Variants in SSPN observed in about 807,000 individuals in gnomAD.
The protein encoded by SSPN is K-ras oncogene-associated protein.
Under a neutral mutation model 19.1 loss-of-function variants are expected in SSPN, and 15 were observed. The ratio of observed to expected loss-of-function variants is 0.78; its 90% CI spans 0.52 to 1.21. SSPN has a LOEUF of 1.21. Ranked by LOEUF, SSPN falls within the 50% of genes most tolerant of loss-of-function variation. The pLI is 0.00. For synonymous variants in SSPN, 147 were observed against 140.3 expected (o/e 1.05, Z -0.34); for missense variants, 291 against 314.0 (o/e 0.93, Z 0.55).
rs1283177884 is a variant in SSPN, at chr12:26,124,785, A to G, written c.-31+2633A>G. ...TGAGGAATTCCTTCGTCCATGTTCAACTGCTGTTCGTTTCCTCTGTTTCGA... is the reference window on the plus strand; with the variant it reads ...TGAGGAATTCCTTCGTCCATGTTCAGCTGCTGTTCGTTTCCTCTGTTTCGA... On this transcript the variant is annotated intron_variant, in intron 1 of 2. Transcript: ENST00000538142. 2.5e-6 allele frequency: 4 copies of G among 1,614,154 alleles called. No homozygotes were observed. The Admixed American group carries it at 6.7e-5, about 27-fold the overall frequency.
intron 1 of SSPN, among the ~76,000 whole-genome samples, chr12:26,166,188 T>C (rs1356312457): frequency 6.6e-6 from 1 of 152,038 alleles, no homozygotes; most frequent in East Asian, 1.9e-4. Flanking sequence ...GGTTGATGAG[T>C]GTAGCAAACC....
At chr12:26,202,401 A>T (rs1174980296) in intron 1 of SSPN, among the ~76,000 whole-genome samples, 2 of 152,234 alleles carry the variant, frequency 1.3e-5, no homozygotes, top group African/African-American at 4.8e-5. Context: ...AAGAATTCAG[A>T]ACATATTAAC....
chr12:26,175,140 G>T (rs1944676479), intron 1 of SSPN, among the ~76,000 whole-genome samples: 1 of 152,188 alleles, frequency 6.6e-6, no homozygotes, highest in Non-Finnish European at 1.5e-5. Context: ...TCCGAAGTGG[G>T]TGTAGCATTT....
intron 1 of SSPN, among the ~76,000 whole-genome samples, chr12:26,151,791 A>T (rs761684466): frequency 3.3e-5 from 5 of 152,200 alleles, no homozygotes; most frequent in South Asian, 2.1e-4. Flanking sequence ...GGAGAAAAAA[A>T]ATATATCTTA....
At chr12:26,191,241 A>T (rs1944785690), upstream of SSPN, among the ~76,000 whole-genome samples, 1 of 152,158 alleles carries the variant, frequency 6.6e-6, no homozygotes, top group Non-Finnish European at 1.5e-5. Context: ...ATGTAGAAAA[A>T]TTTGGTATTA....
At chr12:26,202,730 A>G (rs1344400145) in intron 1 of SSPN, among the ~76,000 whole-genome samples, 2 of 152,152 alleles carry the variant, frequency 1.3e-5, no homozygotes, top group East Asian at 3.9e-4. Context: ...ATGGTCTTTC[A>G]CTGGATCCAC....
At chr12:26,180,510 A>G (rs1252826945) in intron 1 of SSPN, 3 of 152,244 alleles carry the variant, frequency 2.0e-5, no homozygotes, top group Non-Finnish European at 4.4e-5. Flanking sequence ...ATCTCATGCC[A>G]CAAAATATAA....
chr12:26,229,020 A>G (rs1210275044), intron 2 of SSPN, among the ~76,000 whole-genome samples: 1 of 152,140 alleles, frequency 6.6e-6, no homozygotes, highest in East Asian at 1.9e-4. Flanking sequence ...CTTTGTATAT[A>G]TCTGGTTCCC....
At chr12:26,122,564 T>A in intron 1 of SSPN, 3 of 1,122,922 alleles carry the variant, frequency 2.7e-6, no homozygotes, top group Non-Finnish European at 3.3e-6. Context: ...CGGCGTCGGG[T>A]CTCAGCAGCG....
At chr12:26,220,663 A>G (rs1945110708) in intron 1 of SSPN, among the ~76,000 whole-genome samples, 1 of 152,136 alleles carries the variant, frequency 6.6e-6, no homozygotes, top group Non-Finnish European at 1.5e-5. Context: ...CTCGTTCCTG[A>G]GCTCTAAGCC....
intron 1 of SSPN, chr12:26,122,191 C>G: frequency 1.4e-6 from 2 of 1,447,640 alleles, no homozygotes; most frequent in Non-Finnish European, 1.8e-6. Context: ...TGCGGCGCCC[C>G]AAGGGGCGCC....
At chr12:26,141,793 G>A (rs1944461804) in intron 1 of SSPN, among the ~76,000 whole-genome samples, 1 of 152,182 alleles carries the variant, frequency 6.6e-6, no homozygotes. Flanking sequence ...CTCAGTGAAT[G>A]TATGTTTTTT....
chr12:26,143,857 A>C (rs1321514258), intron 1 of SSPN, among the ~76,000 whole-genome samples: 1 of 152,078 alleles, frequency 6.6e-6, no homozygotes, highest in Non-Finnish European at 1.5e-5. Context: ...CTCCTGTCAG[A>C]TTCTCAGGGG....
chr12:26,138,518 T>C (rs561226892), intron 1 of SSPN, among the ~76,000 whole-genome samples: 1 of 152,334 alleles, frequency 6.6e-6, no homozygotes, highest in East Asian at 1.9e-4. Context: ...TCCAATGTGG[T>C]AGTGCTAGCC....
At chr12:26,189,349 G>GA (rs1305637681) in intron 1 of SSPN, among the ~76,000 whole-genome samples, 1 of 152,104 alleles carries the variant, frequency 6.6e-6, no homozygotes, top group Non-Finnish European at 1.5e-5. Flanking sequence ...TTATTAAGAA[G>GA]AAAAAATACT....
At chr12:26,122,486 G>C (rs2137385662) in intron 1 of SSPN, 8 of 1,327,942 alleles carry the variant, frequency 6.0e-6, no homozygotes, top group East Asian at 3.4e-5. Context: ...AGGGGGCCGC[G>C]GCGGCCGCGG....
At chr12:26,122,903 C>CA in intron 1 of SSPN, 1 of 1,548,868 alleles carries the variant, frequency 6.5e-7, no homozygotes, top group Non-Finnish European at 8.7e-7. Flanking sequence ...CCGCGCGCTC[C>CA]AGGCAGGGGG....
intron 1 of SSPN, among the ~76,000 whole-genome samples, chr12:26,150,426 T>C (rs1481969220): frequency 6.6e-6 from 1 of 152,190 alleles, no homozygotes; most frequent in Non-Finnish European, 1.5e-5. Flanking sequence ...TATAAACTGG[T>C]TTAATTATTT....
rs544667770 is a variant in SSPN, at chr12:26,211,009, T to C, written c.280-13284T>C. 3.3e-5 allele frequency among the ~76,000 whole-genome samples: 5 copies of C among 152,244 alleles called. No individual in the cohort carries two copies. The East Asian group carries it at 9.7e-4, about 29-fold the overall frequency. On this transcript the variant is annotated intron_variant, in intron 1 of 2. Coordinates refer to ENST00000242729, the MANE Select transcript of SSPN (RefSeq NM_005086.5). ...CGAAAAAGGTACACTTTGTGGGTAG[T>C]GGGAATAGCTGAGCAGGATTTGACG... is the stretch of plus-strand genomic sequence containing the variant.
Sources: allele counts gnomAD v4.1 joint callset (sites outside exome capture counted in the v4.1 genomes callset), GRCh38; gene constraint gnomAD v4.1.1; transcripts MANE v1.5; gene names NCBI Gene and HGNC (gene_info 2026-07-23, HGNC 2026-07-21).